The following AKT3 variants were observed in gnomAD, a reference collection of about 807,000 sequenced individuals.
AKT3 encodes the protein RAC-gamma serine/threonine-protein kinase.
In AKT3, 15 loss-of-function variants were observed where a neutral mutation model predicts 65.3. That is an observed-to-expected ratio of 0.23 (90% CI 0.15 to 0.35). The LOEUF is 0.35. AKT3 is among the 10% of genes least tolerant of loss of function. The pLI is 1.00. For missense variants in AKT3, 243 were observed against 576.5 expected (o/e 0.42, Z 5.92); for synonymous variants, 206 against 183.8 (o/e 1.12, Z -0.98).
chr1:243,707,458 C>T (rs556252271), intron 2 of AKT3, among the ~76,000 whole-genome samples: 1 of 152,060 alleles, frequency 6.6e-6, no homozygotes, highest in Admixed American at 6.6e-5. Context: ...TCACAGAAAT[C>T]ATCTTTCTTA....
intron 12 of AKT3, among the ~76,000 whole-genome samples, chr1:243,545,168 G>C (rs10927036): frequency 0.16 from 24,455 of 151,998 alleles, 2,071 homozygotes; most frequent in South Asian, 0.29. Context: ...TAAAATTAAA[G>C]ACATAAGGGC....
chr1:243,643,166 C>T (rs1204501617), intron 5 of AKT3, among the ~76,000 whole-genome samples: 1 of 152,134 alleles, frequency 6.6e-6, no homozygotes, highest in Non-Finnish European at 1.5e-5. Context: ...CAGGTCTGGC[C>T]ATTGTTCTTT....
At position 243,557,268 on chromosome 1, in the gene AKT3, A is replaced by G. The variant is rs559380544; in HGVS notation, c.949-4325T>C. ...CTTCATAACCCAAGTAACAATAGCC[A>G]TTGTAAAATACTATAGGTAATCACC... is the stretch of plus-strand genomic sequence containing the variant. On this transcript the variant is annotated intron_variant, in intron 10 of 13. Transcript: ENST00000673466. Among the ~76,000 whole-genome samples the G allele has an allele frequency of 3.3e-5, 5 of 152,204 alleles. No individual in the cohort carries two copies. In the South Asian group the frequency reaches 1.0e-3, roughly 32 times the overall value.
intron 3 of AKT3, among the ~76,000 whole-genome samples, chr1:243,666,827 AGC>A (rs1453283487): frequency 6.6e-6 from 1 of 152,216 alleles, no homozygotes. Flanking sequence ...TCCAACACAA[AGC>A]CTGTTTTGTA....
intron 3 of AKT3, among the ~76,000 whole-genome samples, chr1:243,694,277 A>C (rs942981365): frequency 1.3e-5 from 2 of 152,176 alleles, no homozygotes; most frequent in Non-Finnish European, 2.9e-5. Context: ...AATTTCTATC[A>C]CTTTAAAGCA....
At chr1:243,688,373 G>GT (rs1180814257) in intron 3 of AKT3, among the ~76,000 whole-genome samples, 3 of 152,122 alleles carry the variant, frequency 2.0e-5, no homozygotes, top group Non-Finnish European at 4.4e-5. Context: ...TTGGGCAAGT[G>GT]TTTAATTGTG....
intron 2 of AKT3, among the ~76,000 whole-genome samples, chr1:243,822,353 T>A (rs954142323): frequency 2.0e-5 from 3 of 150,154 alleles, no homozygotes; most frequent in African/African-American, 7.4e-5. Context: ...CAACCTAACA[T>A]CACAACTAAA....
At chr1:243,623,159 G>T (rs1021241972) in intron 6 of AKT3, among the ~76,000 whole-genome samples, 1 of 152,186 alleles carries the variant, frequency 6.6e-6, no homozygotes, top group Non-Finnish European at 1.5e-5. Context: ...GCAAACAACA[G>T]GATGCATGAT....
chr1:243,721,810 TG>T (rs2148116217), intron 2 of AKT3, among the ~76,000 whole-genome samples: 1 of 152,212 alleles, frequency 6.6e-6, no homozygotes, highest in Admixed American at 6.5e-5. Flanking sequence ...AACAAATTTG[TG>T]TAGTATTAGA....
chr1:243,518,934 G>T (rs1670535364), intron 12 of AKT3, among the ~76,000 whole-genome samples: 1 of 152,150 alleles, frequency 6.6e-6, no homozygotes, highest in South Asian at 2.1e-4. Context: ...TAAAATTGAA[G>T]CAAGAACAAA....
intron 10 of AKT3, 78 bp downstream of exon 10, chr1:243,563,642 A>T: frequency 6.7e-7 from 1 of 1,497,682 alleles, no homozygotes. Flanking sequence ...TACTACAGTT[A>T]ACTTTTAATG....
chr1:243,558,613 T>G (rs1336163158), intron 10 of AKT3, among the ~76,000 whole-genome samples: 1 of 152,090 alleles, frequency 6.6e-6, no homozygotes, highest in African/African-American at 2.4e-5. Context: ...GCTAGATATA[T>G]TTCCCAACAA....
intron 2 of AKT3, among the ~76,000 whole-genome samples, chr1:243,823,202 G>A (rs911440090): frequency 1.3e-5 from 2 of 152,074 alleles, no homozygotes; most frequent in Non-Finnish European, 2.9e-5. Flanking sequence ...AAAAGACTCA[G>A]AAAAGGCCTT....
chr1:243,627,820 C>T (rs1027793226), intron 6 of AKT3, among the ~76,000 whole-genome samples: 1 of 152,166 alleles, frequency 6.6e-6, no homozygotes, highest in Non-Finnish European at 1.5e-5. Context: ...TTGAGTTTTG[C>T]GAAGAAAAAT....
At chr1:243,791,230 G>A (rs1272782956) in intron 2 of AKT3, among the ~76,000 whole-genome samples, 1 of 151,702 alleles carries the variant, frequency 6.6e-6, no homozygotes, top group Non-Finnish European at 1.5e-5. Flanking sequence ...ACACTGTATT[G>A]TTTAGGGGAA....
At chr1:243,813,706 G>A (rs1309320874) in intron 2 of AKT3, among the ~76,000 whole-genome samples, 1 of 152,154 alleles carries the variant, frequency 6.6e-6, no homozygotes, top group African/African-American at 2.4e-5. Flanking sequence ...TTGTGTTAAT[G>A]ATACTGTGAT....
At chr1:243,636,862 T>C (rs1680012017) in intron 6 of AKT3, among the ~76,000 whole-genome samples, 1 of 152,040 alleles carries the variant, frequency 6.6e-6, no homozygotes, top group South Asian at 2.1e-4. Flanking sequence ...TCAAAACAAA[T>C]GTACAAAGAC....
At chr1:243,646,641 C>T (rs1456672565) in intron 4 of AKT3, among the ~76,000 whole-genome samples, 1 of 152,108 alleles carries the variant, frequency 6.6e-6, no homozygotes, top group African/African-American at 2.4e-5. Context: ...AGCCATGAAC[C>T]ACCGCACTTG....
chr1:243,645,225 A>G (rs1183191414), intron 5 of AKT3, among the ~76,000 whole-genome samples: 1 of 152,224 alleles, frequency 6.6e-6, no homozygotes, highest in Admixed American at 6.5e-5. Flanking sequence ...CATATTCTAA[A>G]GTGATAAATG....
Sources: allele counts gnomAD v4.1 joint callset (sites outside exome capture counted in the v4.1 genomes callset), GRCh38; gene constraint gnomAD v4.1.1; transcripts MANE v1.5; gene names NCBI Gene and HGNC (gene_info 2026-07-23, HGNC 2026-07-21).